The following LONRF3 variants were observed in gnomAD, a reference collection of about 807,000 sequenced individuals.
The protein encoded by LONRF3 is LON peptidase N-terminal domain and RING finger protein 3.
In LONRF3, 19 loss-of-function variants were observed where a neutral mutation model predicts 51.7. That is an observed-to-expected ratio of 0.37 (90% CI 0.26 to 0.54). LONRF3 has a LOEUF of 0.54. Among genes scored for constraint, LONRF3 ranks in the 20% least tolerant of loss-of-function variants. The pLI is 0.86. For synonymous variants in LONRF3, 265 were observed against 257.8 expected, an observed-to-expected ratio of 1.03 and a Z score of -0.27; for missense variants, 521 against 623.9, an observed-to-expected ratio of 0.84 and a Z score of 1.76.
intron 4 of LONRF3, 39 bp downstream of exon 4, chrX:118,989,711 A>G (rs1278336003): frequency 1.7e-6 from 2 of 1,172,192 alleles, no homozygotes; most frequent in African/African-American, 3.6e-5. Flanking sequence ...CTTGGAGGAG[A>G]TCCCCGGGCT....
intron 3 of LONRF3, among the ~76,000 whole-genome samples, chrX:118,983,983 A>G (rs1279639282): frequency 8.9e-6 from 1 of 112,088 alleles, no homozygotes; most frequent in Non-Finnish European, 1.9e-5. Flanking sequence ...GAATTGCTTC[A>G]AGCTGTGGAC....
At chrX:118,981,708 A>G (rs925791274) in intron 2 of LONRF3, among the ~76,000 whole-genome samples, 6 of 111,120 alleles carry the variant, frequency 5.4e-5, no homozygotes, top group African/African-American at 2.0e-4. Flanking sequence ...AGCTGGGGGA[A>G]TGCGGAAAGG....
At position 119,009,274 on chromosome X, in the gene LONRF3, T is replaced by C. The variant is rs112571641; in HGVS notation, c.1652+27T>C. 1,237 of 1,178,651 alleles carry C rather than the reference T, an allele frequency of 1.0e-3. 8 individuals carry two copies. In the African/African-American group the frequency reaches 0.018, roughly 17 times the overall value. ...TATGTATATGCATATTTCTGTTTTG[T>C]TTCACTCATACCAGCTCAATGAGAG... On this transcript the variant is annotated intron_variant, in intron 7 of 10. Coordinates refer to ENST00000371628, the MANE Select transcript of LONRF3 (RefSeq NM_001031855.3).
At chrX:118,993,385 G>A in intron 5 of LONRF3, among the ~76,000 whole-genome samples, 1 of 111,258 alleles carries the variant, frequency 9.0e-6, no homozygotes, top group Non-Finnish European at 1.9e-5. Flanking sequence ...AAATGCCCTG[G>A]AAAGTCTCAG....
intron 1 of LONRF3, chrX:118,976,964 G>A (rs1156571987): frequency 8.9e-6 from 1 of 111,775 alleles, no homozygotes; most frequent in Non-Finnish European, 1.9e-5. Flanking sequence ...GGGAGGAGGA[G>A]GAGGAATGAG....
rs771443044 is a variant in LONRF3, at chrX:119,002,734, G to A, written c.1416-3387G>A. On this transcript the variant is annotated intron_variant, in intron 5 of 10. Transcript: ENST00000371628. The stretch of plus-strand genomic sequence containing the variant: ...TGTTGCAGATACCTTCTCCTACTCT[G>A]GCTTGCCTTTTTGCCCTCTTAATGA... Among the ~76,000 whole-genome samples, 6 of 111,510 alleles carry A rather than the reference G, an allele frequency of 5.4e-5. No individual in the cohort carries two copies. The South Asian group carries it at 2.2e-3, about 42-fold the overall frequency.
In LONRF3 at chrX:118,986,945, A is replaced by G. The variant is rs182548747; in HGVS notation, c.1060-2463A>G. On this transcript the variant is annotated intron_variant, in intron 3 of 10. Coordinates refer to ENST00000371628, the MANE Select transcript of LONRF3 (RefSeq NM_001031855.3). ...CACAGCTTCTCCTTAGTTTCTTTTC[A>G]CCATCAGTCCCGGGGGATTCTCAGG... 6.4e-3 allele frequency: 7,357 copies of G among 1,151,507 alleles called. 21 individuals are homozygous for G. The highest frequency in any genetic ancestry group is 7.5e-3 in the Non-Finnish European group (6,504 of 871,557). 94.9% of individuals were successfully genotyped at this position (1,151,507 alleles called of 1,213,427 possible). A position where few individuals can be genotyped will look rare whatever the true frequency, so the allele number is the denominator to read the frequency against.
Position 119,011,280 on chromosome X carries a change from T to C in LONRF3, c.1653-535T>C, listed in dbSNP as rs183384840. Among the ~76,000 whole-genome samples, 3 of 110,855 alleles carry C rather than the reference T, an allele frequency of 2.7e-5. No homozygotes were observed. The East Asian group carries it at 8.5e-4, about 31-fold the overall frequency. The stretch of plus-strand genomic sequence containing the variant: ...CACTGGGCTGGATTATTCTTGCCTA[T>C]CTCTTGGTCCTTCCTCCTTTCAGCT... On this transcript the variant is annotated intron_variant, in intron 7 of 10. Coordinates refer to ENST00000371628, the MANE Select transcript of LONRF3 (RefSeq NM_001031855.3).
At chrX:118,992,182 G>A (rs1027897868) in intron 5 of LONRF3, among the ~76,000 whole-genome samples, 4 of 111,707 alleles carry the variant, frequency 3.6e-5, no homozygotes, top group Admixed American at 2.8e-4. Context: ...CAGCAATCCC[G>A]AGAGGGCCCA....
chrX:119,011,476 AAAGT>A (rs1202324185), intron 7 of LONRF3, among the ~76,000 whole-genome samples: 2 of 111,937 alleles, frequency 1.8e-5, no homozygotes, highest in Non-Finnish European at 3.8e-5. Context: ...GGAGAGCATG[AAAGT>A]AAGAAAAAAT....
intron 5 of LONRF3, among the ~76,000 whole-genome samples, chrX:119,005,434 A>G (rs1380671601): frequency 1.8e-5 from 2 of 112,266 alleles, no homozygotes; most frequent in African/African-American, 6.5e-5. Flanking sequence ...ATGTATGTAT[A>G]TATATGTATG....
chrX:119,009,856 G>A (rs765826469), intron 7 of LONRF3, among the ~76,000 whole-genome samples: 195 of 110,948 alleles, frequency 1.8e-3, no homozygotes, highest in African/African-American at 6.0e-3. Context: ...TGCAACCTCC[G>A]CCTTCCGGGT....
intron 6 of LONRF3, among the ~76,000 whole-genome samples, chrX:119,006,627 G>A (rs1398901055): frequency 9.4e-6 from 1 of 106,189 alleles, no homozygotes; most frequent in African/African-American, 3.4e-5. Flanking sequence ...TCGCTCTGTC[G>A]CCCAGGCTGG....
In LONRF3 at chrX:118,975,153, C is replaced by A. The variant is rs910645534; in HGVS notation, c.373C>A (p.Pro125Thr). The A allele has an allele frequency of 1.2e-5, 14 of 1,169,220 alleles. No homozygotes were observed. The African/African-American group carries it at 2.3e-4, about 19-fold the overall frequency. The change falls in exon 1 of 11, where the codon CCC becomes ACC. Residue 125 changes from proline to threonine, a missense_variant. This residue lies in a region of LONRF3 where 376 missense variants were observed against 376.7 expected (regional missense o/e 1.00). Coordinates refer to ENST00000371628, the MANE Select transcript of LONRF3 (RefSeq NM_001031855.3). ...GCAAGGCGAGGCGCTGGCGCCGGCGCCCCCGGACGAGGGTAGCACTGCAAG... is the reference window on the plus strand; with the variant it reads ...GCAAGGCGAGGCGCTGGCGCCGGCGACCCCGGACGAGGGTAGCACTGCAAG... The part of the protein sequence containing the change: ...VPQGEALAPA[P>T]PDEGSTASGT...
At chrX:118,984,819 G>A (rs1489608473) in intron 3 of LONRF3, among the ~76,000 whole-genome samples, 1 of 112,314 alleles carries the variant, frequency 8.9e-6, no homozygotes, top group African/African-American at 3.2e-5. Flanking sequence ...AGAACATCAA[G>A]AGTCCTCAGT....
intron 2 of LONRF3, 85 bp downstream of exon 2, chrX:118,978,548 C>T (rs1603245749): frequency 1.8e-6 from 1 of 566,845 alleles, no homozygotes; most frequent in East Asian, 3.4e-5. Context: ...AGCATAGGGG[C>T]ACTAGAGCTC....
At position 118,975,582 on chromosome X, in the gene LONRF3, G is replaced by A. The variant is rs1239068514; in HGVS notation, c.802G>A (p.Glu268Lys). The A allele has an allele frequency of 5.1e-6, 6 of 1,176,864 alleles. No individual in the cohort carries two copies. The highest frequency in any genetic ancestry group is 6.8e-6 in the Non-Finnish European group (6 of 879,494). The change falls in exon 1 of 11, where the codon GAG becomes AAG. Residue 268 changes from glutamate to lysine, a missense_variant. Physicochemically the swap from Glu to Lys is moderately conservative, Grantham distance 56. This residue lies in a region of LONRF3 where 376 missense variants were observed against 376.7 expected (regional missense o/e 1.00). Transcript: ENST00000371628. ...GGAGGCGGCACTGCTCAAGTACAAC[G>A]AGGCAGTTAAGTTGGGTGAGTCCAA... ...QVEAALLKYN[E>K]AVKLAPNDHL... is the part of the protein sequence containing the mutation.
chrX:118,974,887 G>C lies in LONRF3; in HGVS notation c.107G>C (p.Gly36Ala), dbSNP rs1212063318. Residue 36 changes from glycine (G) to alanine (A), a missense_variant, in exon 1 of 11, where the codon GGC becomes GCC. Gly to Ala is a moderately conservative substitution (Grantham distance 60). Around this residue, in one of 2 missense-constraint regions of LONRF3, gnomAD observed 376 missense variants for 376.7 expected, o/e 1.00. Transcript: ENST00000371628. ...GCATCAGCGGCCCAAGTAGACATGG[G>C]CCCCCACCCAAAGGTGGCTGCAGAG... ...RGASAAQVDM[G>A]PHPKVAAEGP... The C allele has an allele frequency of 1.7e-6, 2 of 1,201,271 alleles. No individual in the cohort carries two copies. The highest frequency in any genetic ancestry group is 2.2e-6 in the Non-Finnish European group (2 of 890,698).
intron 5 of LONRF3, 150 bp from the exon 6 acceptor site, chrX:119,005,971 T>A (rs915938577): frequency 1.4e-5 from 5 of 369,389 alleles, no homozygotes; most frequent in African/African-American, 2.6e-5. Context: ...GGCAAATGTT[T>A]ATCTGAAGTA....
Sources: allele counts gnomAD v4.1 joint callset (sites outside exome capture counted in the v4.1 genomes callset), GRCh38; gene constraint gnomAD v4.1.1; regional missense constraint gnomAD v4.1.1; transcripts MANE v1.5; gene names NCBI Gene and HGNC (gene_info 2026-07-23, HGNC 2026-07-21).